PPP1R37: variants seen among roughly 807,000 people sequenced by gnomAD.
PPP1R37 encodes leucine rich repeat containing 68.
In PPP1R37, 21 loss-of-function variants were observed where a neutral mutation model predicts 61.0. The observed-to-expected ratio is 0.34, with a 90% confidence interval of 0.24 to 0.50. The LOEUF (loss-of-function observed/expected upper bound fraction) is 0.50. Ranked by LOEUF, PPP1R37 falls within the 20% of genes least tolerant of loss-of-function variation. PPP1R37 has a pLI of 0.98. For synonymous variants in PPP1R37, 443 were observed against 433.5 expected, an observed-to-expected ratio of 1.02 and a Z score of -0.27; for missense variants, 910 against 952.7, an observed-to-expected ratio of 0.96 and a Z score of 0.59.
chr19:45,111,395 C>G (rs947690013), intron 1 of PPP1R37, among the ~76,000 whole-genome samples: 4 of 152,102 alleles, frequency 2.6e-5, no homozygotes, highest in Non-Finnish European at 5.9e-5. Flanking sequence ...CAGCCACAGC[C>G]TCCTGAGTAG....
chr19:45,106,635 A>G (rs1968135085), intron 1 of PPP1R37, among the ~76,000 whole-genome samples: 1 of 152,062 alleles, frequency 6.6e-6, no homozygotes, highest in African/African-American at 2.4e-5. Flanking sequence ...TCCCAGGCTC[A>G]AGTGATCCTC....
chr19:45,122,051 T>C (rs1046846838), intron 1 of PPP1R37, among the ~76,000 whole-genome samples: 1 of 152,124 alleles, frequency 6.6e-6, no homozygotes, highest in Non-Finnish European at 1.5e-5. Context: ...GCTCTGTGGG[T>C]ACTCTTCTGC....
At chr19:45,107,315 A>AT in intron 1 of PPP1R37, among the ~76,000 whole-genome samples, 2 of 152,128 alleles carry the variant, frequency 1.3e-5, no homozygotes, top group East Asian at 3.9e-4. Context: ...ATTAAAAAAA[A>AT]GGGGAGCCAG....
chr19:45,137,532 G>T (rs774996455), intron 1 of PPP1R37, among the ~76,000 whole-genome samples: 9 of 152,230 alleles, frequency 5.9e-5, no homozygotes, highest in Non-Finnish European at 1.2e-4. Context: ...CTTCATTCAT[G>T]CTGGGAGCCA....
chr19:45,094,942 C>T (rs1967973492), intron 1 of PPP1R37, among the ~76,000 whole-genome samples: 1 of 152,122 alleles, frequency 6.6e-6, no homozygotes, highest in South Asian at 2.1e-4. Flanking sequence ...ACATGCAGGG[C>T]AGTGTTGAGT....
At chr19:45,125,454 C>T (rs1297811350) in intron 1 of PPP1R37, among the ~76,000 whole-genome samples, 1 of 152,096 alleles carries the variant, frequency 6.6e-6, no homozygotes, top group East Asian at 1.9e-4. Context: ...AGCGAGACTC[C>T]ATCTAAAAAA....
intron 1 of PPP1R37, among the ~76,000 whole-genome samples, chr19:45,115,880 A>G (rs1381685897): frequency 2.0e-5 from 3 of 151,566 alleles, no homozygotes; most frequent in Non-Finnish European, 4.4e-5. Flanking sequence ...AGGCTGAGGG[A>G]GGAGAATTGC....
chr19:45,110,685 T>C (rs1198263740), intron 1 of PPP1R37, among the ~76,000 whole-genome samples: 1 of 152,166 alleles, frequency 6.6e-6, no homozygotes, highest in Non-Finnish European at 1.5e-5. Context: ...ATATGTTCAT[T>C]AGTTCCCAAA....
intron 1 of PPP1R37, chr19:45,108,562 T>TTAA (rs1262168707): frequency 1.3e-5 from 2 of 152,054 alleles, no homozygotes; most frequent in Non-Finnish European, 2.9e-5. Context: ...TGCCTTGATG[T>TTAA]TAAGATGGTG....
At chr19:45,120,896 A>C (rs912446633) in intron 1 of PPP1R37, among the ~76,000 whole-genome samples, 17 of 152,216 alleles carry the variant, frequency 1.1e-4, no homozygotes, top group African/African-American at 3.9e-4. Context: ...TTGGGATTAC[A>C]GGCGTGACCC....
At chr19:45,136,730 G>A (rs10425380) in intron 1 of PPP1R37, 5,726 of 152,564 alleles carry the variant, frequency 0.038, 322 homozygotes, top group African/African-American at 0.12. Flanking sequence ...GGCCTCTGTC[G>A]GCTTCTTTCC....
chr19:45,133,331 T>G (rs2122744126), intron 1 of PPP1R37, among the ~76,000 whole-genome samples: 1 of 151,924 alleles, frequency 6.6e-6, no homozygotes, highest in South Asian at 2.1e-4. Flanking sequence ...TGATCTGCCC[T>G]CCTCAGCCTC....
intron 1 of PPP1R37, among the ~76,000 whole-genome samples, chr19:45,116,515 C>T (rs1334210279): frequency 2.0e-5 from 3 of 152,190 alleles, no homozygotes; most frequent in South Asian, 2.1e-4. Flanking sequence ...GCAGGACTCA[C>T]GGCCTCTCAG....
chr19:45,145,645 C>T lies in PPP1R37; in HGVS notation c.1589C>T (p.Ala530Val), dbSNP rs1487974002. 2.6e-6 allele frequency: 4 copies of T among 1,535,538 alleles called. No homozygotes were observed. In the East Asian group the frequency reaches 9.8e-5, roughly 38 times the overall value. The change falls in exon 11 of 13, where the codon GCC becomes GTC. Residue 530 changes from alanine (A) to valine (V), a missense_variant. Ala to Val is a moderately conservative substitution (Grantham distance 64). Coordinates refer to ENST00000221462, the MANE Select transcript of PPP1R37 (RefSeq NM_019121.2). ...EGERDETPCP[A>V]LVPPTDSLGP... ...GAGAGGGACGAGACCCCCTGTCCTG[C>T]CCTGGTGCCCCCCACGGACTCCCTG...
chr19:45,099,498 C>T (rs1968035149), intron 1 of PPP1R37, among the ~76,000 whole-genome samples: 1 of 152,216 alleles, frequency 6.6e-6, no homozygotes, highest in Admixed American at 6.5e-5. Context: ...GCTCCACCAC[C>T]CCAGCCCCCT....
chr19:45,117,385 C>T lies in PPP1R37; in HGVS notation c.203-21129C>T, dbSNP rs550501819. 7.9e-5 allele frequency among the ~76,000 whole-genome samples: 12 copies of T among 152,254 alleles called. No individual in the cohort carries two copies. The South Asian group carries it at 1.9e-3, about 24-fold the overall frequency. On this transcript the variant is annotated intron_variant, in intron 1 of 12. Transcript: ENST00000221462. ...GCGTGGGCGAGCCGAGGGTGAGCCCCGGTGGAGTGCTGGCATCAGGGGGCC... is the reference window on the plus strand; with the variant it reads ...GCGTGGGCGAGCCGAGGGTGAGCCCTGGTGGAGTGCTGGCATCAGGGGGCC...
intron 1 of PPP1R37, among the ~76,000 whole-genome samples, chr19:45,102,812 C>A (rs911349405): frequency 4.6e-5 from 7 of 152,246 alleles, no homozygotes; most frequent in African/African-American, 1.7e-4. Flanking sequence ...GGAGCACACC[C>A]TGCATCAAGT....
chr19:45,137,843 AAAAAC>A (rs1968558134), intron 1 of PPP1R37, among the ~76,000 whole-genome samples: 1 of 151,966 alleles, frequency 6.6e-6, no homozygotes, highest in African/African-American at 2.4e-5. Flanking sequence ...CAAAAAAAAA[AAAAAC>A]AAACCAAGGA....
chr19:45,138,145 C>T (rs1209710684), intron 1 of PPP1R37, among the ~76,000 whole-genome samples: 1 of 152,124 alleles, frequency 6.6e-6, no homozygotes, highest in Non-Finnish European at 1.5e-5. Flanking sequence ...AACACCGAGA[C>T]AGTGTTGGAG....
Sources: allele counts gnomAD v4.1 joint callset (sites outside exome capture counted in the v4.1 genomes callset), GRCh38; gene constraint gnomAD v4.1.1; transcripts MANE v1.5; gene names NCBI Gene and HGNC (gene_info 2026-07-23, HGNC 2026-07-21).